Variants in SETD6 observed in about 807,000 individuals in gnomAD.
The protein encoded by SETD6 is N-lysine methyltransferase SETD6.
In SETD6, 67 loss-of-function variants were observed where a neutral mutation model predicts 52.7. That is an observed-to-expected ratio of 1.27 (90% CI 1.04 to 1.56). SETD6 has a LOEUF of 1.56. Among genes scored for constraint, SETD6 ranks in the 40% most tolerant of loss-of-function variants. The pLI, the probability that SETD6 is intolerant of heterozygous loss-of-function variation, is 0.00. For synonymous variants in SETD6, 307 were observed against 250.2 expected (o/e 1.23, Z -2.14); for missense variants, 712 against 607.5 (o/e 1.17, Z -1.81).
rs1473093090 is a variant in SETD6, at chr16:58,519,342, T to TA, written c.*314dup. ...CTTGTTGTGTTTCAGCATTTAATAA[T>TA]AGACTTTGGAGGTAGACCCCTGGTT... On this transcript the variant is annotated 3_prime_UTR_variant, in exon 8 of 8. Coordinates refer to ENST00000219315, the MANE Select transcript of SETD6 (RefSeq NM_001160305.4). The TA allele has an allele frequency of 5.8e-5, 15 of 259,640 alleles. 2 individuals carry two copies. In the South Asian group the frequency reaches 7.8e-4, roughly 14 times the overall value. 16.1% of individuals were successfully genotyped at this position (259,640 alleles called of 1,614,324 possible). A position where few individuals can be genotyped will look rare whatever the true frequency, so the allele number is the denominator to read the frequency against.
chr16:58,516,681 G>T lies in SETD6; in HGVS notation c.671+9G>T, dbSNP rs554682912. On this transcript the variant is annotated intron_variant, in intron 4 of 7. Transcript: ENST00000219315. ...CTTGTGATGGCCTATAGGTCAGTGGGTGGGGCCTCTGAGGACGGAACCCTT... is the reference window on the plus strand; with the variant it reads ...CTTGTGATGGCCTATAGGTCAGTGGTTGGGGCCTCTGAGGACGGAACCCTT... 8 of 1,612,098 alleles carry T rather than the reference G, an allele frequency of 5.0e-6. No individual in the cohort carries two copies. In the South Asian group the frequency reaches 5.5e-5, roughly 11 times the overall value.
Position 58,520,872 on chromosome 16 carries a change from A to C in SETD6, c.*1843A>C. 3 of 1,376,862 alleles carry C rather than the reference A, an allele frequency of 2.2e-6. No individual in the cohort carries two copies. The highest frequency in any genetic ancestry group is 3.1e-6 in the Non-Finnish European group (3 of 978,216). The allele number at this position is 1,376,862 out of a possible 1,614,324, so 85.3% of individuals were successfully genotyped here. On this transcript the variant is annotated 3_prime_UTR_variant, in exon 8 of 8. Transcript: ENST00000219315. ...AACCAAAGGGCTGGGAAAGTCAGGA[A>C]GAGCTGAAAGGATTCTTCAGTCAGT...
rs779442201 is a variant in SETD6 at position 58,516,598 on chromosome 16, C to T, written c.597C>T (p.His199=). Residue 199 remains histidine (H), a synonymous_variant, in exon 4 of 8, where the codon CAC becomes CAT. Coordinates refer to ENST00000219315, the MANE Select transcript of SETD6 (RefSeq NM_001160305.4). ...TCGTGCTGCCCTTCATGGAAGCCCA[C>T]CCCGATCTCTTCAGCCTCAGGGTTC... ...QSIVLPFMEA[H]PDLFSLRVRS... is the part of the protein sequence containing the mutation. 7.4e-6 allele frequency: 12 copies of T among 1,614,040 alleles called. No individual in the cohort carries two copies. The highest frequency in any genetic ancestry group is 9.3e-6 in the Non-Finnish European group (11 of 1,180,026).
rs747665994 is a variant in SETD6, at chr16:58,518,245, TAACTC to T, written c.973+17_973+21del. 8.1e-6 allele frequency: 13 copies of T among 1,614,034 alleles called. No homozygotes were observed. In the South Asian group the frequency reaches 1.3e-4, roughly 16 times the overall value. On this transcript the variant is annotated intron_variant, in intron 6 of 7. Transcript: ENST00000219315. ...CAGCATTACAGGGTGAGTGTATCAT[TAACTC>T]AATATTTGACACTGATGGTGTGTCT...
intron 5 of SETD6, 114 bp downstream of exon 5, chr16:58,517,042 A>C: frequency 6.8e-7 from 1 of 1,466,932 alleles, no homozygotes; most frequent in Non-Finnish European, 9.5e-7. Context: ...CTCCTCCTGT[A>C]TGTCCTTTTA....
In SETD6 at chr16:58,518,850, C is replaced by A. The variant is rs748917270; in HGVS notation, c.1243C>A (p.Leu415Met). ...IPKLKASWRQ[L>M]LQNSVLLTLQ... ...CAAGCTCAAAGCATCGTGGAGACAG[C>A]TGCTTCAAAACAGTGTTCTACTGAC... Residue 415 changes from leucine (L) to methionine (M), a missense_variant, in exon 8 of 8, where the codon CTG becomes ATG. Transcript: ENST00000219315. 16 of 1,614,180 alleles carry A rather than the reference C, an allele frequency of 9.9e-6. No individual in the cohort carries two copies. The highest frequency in any genetic ancestry group is 3.3e-5 in the South Asian group (3 of 91,088).
chr16:58,516,296 C>T lies in SETD6; in HGVS notation c.429C>T (p.Tyr143=), dbSNP rs374333841. 4.4e-5 allele frequency: 70 copies of T among 1,605,438 alleles called. No individual in the cohort carries two copies. Among genetic ancestry groups the T allele is most frequent in the Admixed American group, 8.3e-5 (5 of 59,968 alleles). Residue 143 remains tyrosine (Y), a synonymous_variant, in exon 3 of 8, where the codon TAC becomes TAT. Coordinates refer to ENST00000219315, the MANE Select transcript of SETD6 (RefSeq NM_001160305.4). ...LQAPASRWRP[Y]FALWPELGRL... ...CCCCGGCCTCACGCTGGAGGCCCTA[C>T]TTTGCGCTCTGGCCCGAGCTGGGCC...
In SETD6 at chr16:58,515,823, T is replaced by TC; in HGVS notation, c.62dup (p.Val22CysfsTer154). On this transcript the variant is annotated frameshift_variant, in exon 2 of 8. Coordinates refer to ENST00000219315, the MANE Select transcript of SETD6 (RefSeq NM_001160305.4). LOFTEE classifies it high-confidence loss of function. Reference sequence around the variant, plus strand: ...GGCCCGTGGACGGCGGCGACCTGGATCCTGTGGCCTGCTTCCTGAGCTGGT... The same window carrying TC: ...GGCCCGTGGACGGCGGCGACCTGGATCCCTGTGGCCTGCTTCCTGAGCTGGT... The TC allele has an allele frequency of 6.5e-7, 1 of 1,536,756 alleles. No individual in the cohort carries two copies. The highest frequency in any genetic ancestry group is 1.2e-5 in the South Asian group (1 of 82,356).
intron 6 of SETD6, 43 bp downstream of exon 6, chr16:58,518,274 C>CTA: frequency 1.2e-6 from 2 of 1,610,436 alleles, no homozygotes; most frequent in Non-Finnish European, 1.7e-6. Flanking sequence ...GATGGTGTGT[C>CTA]TATACCCATG....
rs1444873864 is a variant in SETD6 at position 58,516,255 on chromosome 16, C to G, written c.388C>G (p.Leu130Val). Residue 130 changes from leucine to valine, a missense_variant, in exon 3 of 8, where the codon CTC becomes GTC. Coordinates refer to ENST00000219315, the MANE Select transcript of SETD6 (RefSeq NM_001160305.4). ...SGWVPLLLAL[L>V]HELQAPASRW... ...CTGGGTGCCACTGCTGCTGGCGCTG[C>G]TCCACGAGCTGCAGGCCCCGGCCTC... The G allele has an allele frequency of 6.2e-7, 1 of 1,600,124 alleles. No homozygotes were observed. The highest frequency in any genetic ancestry group is 8.5e-7 in the Non-Finnish European group (1 of 1,179,662).
Position 58,515,778 on chromosome 16 carries a change from GCA to G in SETD6, c.28-11_28-10del. 1 of 1,481,350 alleles carries G rather than the reference GCA, an allele frequency of 6.8e-7. No homozygotes were observed. The highest frequency in any genetic ancestry group is 1.4e-5 in the South Asian group (1 of 73,606). The allele number at this position is 1,481,350 out of a possible 1,614,324, so 91.8% of individuals were successfully genotyped here. A position where few individuals can be genotyped will look rare whatever the true frequency, so the allele number is the denominator to read the frequency against. On this transcript the variant is annotated splice_polypyrimidine_tract_variant and intron_variant, in intron 1 of 7. Coordinates refer to ENST00000219315, the MANE Select transcript of SETD6 (RefSeq NM_001160305.4). ...TGGGGGTCGGACCTGGTCACTGCGC[GCA>G]CTTATCTCAGGTGGCGGGGCCCGTG... is the stretch of plus-strand genomic sequence containing the variant.
rs112861354 is a variant in SETD6, at chr16:58,522,049, G to C, written c.*3020G>C. Among the ~76,000 whole-genome samples, 13 of 151,958 alleles carry C rather than the reference G, an allele frequency of 8.6e-5. No individual in the cohort carries two copies. The highest frequency in any genetic ancestry group is 1.8e-4 in the Non-Finnish European group (12 of 67,958). On this transcript the variant is annotated 3_prime_UTR_variant, in exon 8 of 8. Coordinates refer to ENST00000219315, the MANE Select transcript of SETD6 (RefSeq NM_001160305.4). ...ATTCTAACACTGCAGGCTGGGCACA[G>C]TGACTCACGCCTGTAATCCCAGCAC...
Position 58,521,390 on chromosome 16 carries a change from T to C in SETD6, c.*2361T>C, listed in dbSNP as rs1222214695. The C allele has an allele frequency of 6.8e-7, 1 of 1,470,770 alleles. No individual in the cohort carries two copies. Among genetic ancestry groups the C allele is most frequent in the African/African-American group, 1.4e-5 (1 of 70,516 alleles). 91.1% of individuals were successfully genotyped at this position (1,470,770 alleles called of 1,614,324 possible). A position where few individuals can be genotyped will look rare whatever the true frequency, so the allele number is the denominator to read the frequency against. ...TCATGATTATTCTTCCATTACTTTT[T>C]TTCTAACTTCTCCCTGACTATTGAA... On this transcript the variant is annotated 3_prime_UTR_variant, in exon 8 of 8. Coordinates refer to ENST00000219315, the MANE Select transcript of SETD6 (RefSeq NM_001160305.4).
rs1291551174 is a variant in SETD6 at position 58,522,257 on chromosome 16, AAAAAAAAAAAG to A, written c.*3229_*3239del. On this transcript the variant is annotated 3_prime_UTR_variant, in exon 8 of 8. Coordinates refer to ENST00000219315, the MANE Select transcript of SETD6 (RefSeq NM_001160305.4). ...TGTCTCAAAAAAAAAAAAAAAAAAA[AAAAAAAAAAAG>A]CTAACATTGCTAGTTCACATGTAAA... is the stretch of plus-strand genomic sequence containing the variant. 7.4e-6 allele frequency among the ~76,000 whole-genome samples: 1 copy of A among 134,276 alleles called. No individual in the cohort carries two copies. Among genetic ancestry groups the A allele is most frequent in the African/African-American group, 2.6e-5 (1 of 38,586 alleles). The allele number at this position is 134,276 out of a possible 152,430, so 88.1% of individuals were successfully genotyped here.
chr16:58,516,272 C>T lies in SETD6; in HGVS notation c.405C>T (p.Ala135=), dbSNP rs755938742. 1 of 1,602,394 alleles carries T rather than the reference C, an allele frequency of 6.2e-7. No homozygotes were observed. ...TGGCGCTGCTCCACGAGCTGCAGGC[C>T]CCGGCCTCACGCTGGAGGCCCTACT... The part of the protein sequence containing the change: ...LLLALLHELQ[A]PASRWRPYFA... Residue 135 remains alanine, a synonymous_variant, in exon 3 of 8, where the codon GCC becomes GCT. Transcript: ENST00000219315.
intron 5 of SETD6, 196 bp downstream of exon 5, chr16:58,517,124 C>A: frequency 1.4e-6 from 1 of 719,376 alleles, no homozygotes; most frequent in Non-Finnish European, 2.4e-6. Flanking sequence ...GTGGTTAATC[C>A]TCTGATAAAC....
At chr16:58,518,012 C>G (rs753761095) in intron 5 of SETD6, 39 bp from the exon 6 acceptor site, 5 of 1,613,404 alleles carry the variant, frequency 3.1e-6, no homozygotes, top group African/African-American at 1.3e-5. Flanking sequence ...GGGGCTGGCC[C>G]GTGAAAGGCA....
Position 58,518,854 on chromosome 16 carries a change from T to A in SETD6, c.1247T>A (p.Leu416His), listed in dbSNP as rs1174926730. ...CTCAAAGCATCGTGGAGACAGCTGC[T>A]TCAAAACAGTGTTCTACTGACTTTG... The part of the protein sequence containing the change: ...PKLKASWRQL[L>H]QNSVLLTLQT... Residue 416 changes from leucine (L) to histidine (H), a missense_variant, in exon 8 of 8, where the codon CTT becomes CAT. Physicochemically the swap from Leu to His is moderately conservative, Grantham distance 99. Coordinates refer to ENST00000219315, the MANE Select transcript of SETD6 (RefSeq NM_001160305.4). 1 of 1,614,188 alleles carries A rather than the reference T, an allele frequency of 6.2e-7. No individual in the cohort carries two copies. Among genetic ancestry groups the A allele is most frequent in the Non-Finnish European group, 8.5e-7 (1 of 1,180,034 alleles).
chr16:58,521,280 G>A lies in SETD6; in HGVS notation c.*2251G>A. 1 of 1,613,750 alleles carries A rather than the reference G, an allele frequency of 6.2e-7. No individual in the cohort carries two copies. The highest frequency in any genetic ancestry group is 8.5e-7 in the Non-Finnish European group (1 of 1,179,918). ...ATGAAGGTAATAAGAAGACCCCAAG[G>A]ATGTGGCCTATTTACAATCAACCGT... is the stretch of plus-strand genomic sequence containing the variant. On this transcript the variant is annotated 3_prime_UTR_variant, in exon 8 of 8. Transcript: ENST00000219315.
Sources: gnomAD v4.1 joint callset for allele counts (sites outside exome capture counted in the v4.1 genomes callset) on GRCh38, gnomAD v4.1.1 for gene constraint, MANE v1.5 for transcripts, NCBI Gene and HGNC (gene_info 2026-07-23, HGNC 2026-07-21) for gene names.